Variants in NEGR1 observed in about 807,000 individuals in gnomAD.
The protein encoded by NEGR1 is IgLON family member 4.
In NEGR1, 10 loss-of-function variants were observed where a neutral mutation model predicts 40.9. That is an observed-to-expected ratio of 0.24 (90% confidence interval 0.15 to 0.42). NEGR1 has a LOEUF of 0.42. Among genes scored for constraint, NEGR1 ranks in the 10% least tolerant of loss-of-function variants. NEGR1 has a pLI of 1.00. For synonymous variants in NEGR1, 185 were observed against 166.8 expected (o/e 1.11, Z -0.84); for missense variants, 352 against 438.9 (o/e 0.80, Z 1.77).
chr1:71,531,859 C>T (rs1290984589), intron 6 of NEGR1, among the ~76,000 whole-genome samples: 1 of 151,168 alleles, frequency 6.6e-6, no homozygotes, highest in East Asian at 2.0e-4. Flanking sequence ...GGGGGTAATT[C>T]ATAATCATCT....
At chr1:72,090,542 CCTAT>C (rs1553138763) in intron 1 of NEGR1, among the ~76,000 whole-genome samples, 1 of 151,942 alleles carries the variant, frequency 6.6e-6, no homozygotes, top group Non-Finnish European at 1.5e-5. Context: ...GTTCAAGAAA[CCTAT>C]CTAAGTGCCT....
chr1:71,430,338 C>A (rs192810587), intron 6 of NEGR1, among the ~76,000 whole-genome samples: 1 of 152,144 alleles, frequency 6.6e-6, no homozygotes, highest in Non-Finnish European at 1.5e-5. Context: ...CTGGGTATTG[C>A]CCTAACATAT....
intron 6 of NEGR1, among the ~76,000 whole-genome samples, chr1:71,454,240 A>C (rs1646653841): frequency 6.6e-6 from 1 of 152,108 alleles, no homozygotes; most frequent in Non-Finnish European, 1.5e-5. Flanking sequence ...TTTTGTTTTC[A>C]AGAAATTTTT....
intron 4 of NEGR1, among the ~76,000 whole-genome samples, chr1:71,664,080 C>A (rs962199079): frequency 2.6e-5 from 4 of 152,204 alleles, no homozygotes; most frequent in African/African-American, 9.6e-5. Flanking sequence ...TCAAGTATAG[C>A]TGACATCCTT....
chr1:71,551,520 G>A (rs1648075223), intron 6 of NEGR1, among the ~76,000 whole-genome samples: 2 of 151,506 alleles, frequency 1.3e-5, no homozygotes, highest in South Asian at 4.1e-4. Flanking sequence ...GTCTTTTCTT[G>A]CACTTATTTA....
At chr1:72,018,599 A>T (rs1646731603) in intron 1 of NEGR1, among the ~76,000 whole-genome samples, 1 of 152,188 alleles carries the variant, frequency 6.6e-6, no homozygotes, top group Non-Finnish European at 1.5e-5. Context: ...GAACAAACAG[A>T]CATAAAATTA....
chr1:71,775,343 TA>T (rs1656464514), intron 3 of NEGR1, among the ~76,000 whole-genome samples: 2 of 121,180 alleles, frequency 1.7e-5, no homozygotes, highest in Non-Finnish European at 1.8e-5. Context: ...AAGTATTCTT[TA>T]ACTTTTTTTT....
intron 6 of NEGR1, among the ~76,000 whole-genome samples, chr1:71,423,888 C>T (rs1646413079): frequency 2.1e-5 from 3 of 141,378 alleles, no homozygotes; most frequent in East Asian, 2.4e-4. Flanking sequence ...AGAATTAAGA[C>T]CTTCAACAAA....
chr1:71,615,050 T>C (rs1570108790), intron 4 of NEGR1, among the ~76,000 whole-genome samples: 2 of 152,336 alleles, frequency 1.3e-5, no homozygotes, highest in South Asian at 4.1e-4. Flanking sequence ...CCAAGTGTTG[T>C]GAAGTAATCA....
chr1:71,951,817 T>C (rs1395329532), intron 1 of NEGR1, among the ~76,000 whole-genome samples: 2 of 151,954 alleles, frequency 1.3e-5, no homozygotes, highest in African/African-American at 4.8e-5. Context: ...TTCATGTCTC[T>C]GTGCCATATT....
intron 1 of NEGR1, among the ~76,000 whole-genome samples, chr1:72,103,330 C>T (rs1649014752): frequency 1.3e-5 from 2 of 151,976 alleles, no homozygotes; most frequent in Non-Finnish European, 2.9e-5. Context: ...ATGGGACCAA[C>T]CCTCTTTTTA....
chr1:71,580,172 T>C (rs1042910885), intron 6 of NEGR1, among the ~76,000 whole-genome samples: 16 of 151,802 alleles, frequency 1.1e-4, no homozygotes, highest in East Asian at 1.9e-4. Flanking sequence ...ATGGATGAAA[T>C]TGGAAATCAT....
intron 6 of NEGR1, among the ~76,000 whole-genome samples, chr1:71,408,547 G>A (rs1646294838): frequency 1.3e-5 from 2 of 151,882 alleles, no homozygotes; most frequent in South Asian, 4.2e-4. Context: ...TTTGGAATGG[G>A]TTTCACTTTG....
At chr1:71,782,170 A>T (rs1426472512) in intron 2 of NEGR1, among the ~76,000 whole-genome samples, 1 of 152,118 alleles carries the variant, frequency 6.6e-6, no homozygotes, top group African/African-American at 2.4e-5. Context: ...TGATTAGATC[A>T]TGAAGGGATT....
At chr1:72,084,156 T>C (rs2100532687) in intron 1 of NEGR1, among the ~76,000 whole-genome samples, 1 of 152,282 alleles carries the variant, frequency 6.6e-6, no homozygotes, top group Middle Eastern at 3.4e-3. Flanking sequence ...ACATAGCCTT[T>C]ACAGCAATAT....
chr1:71,573,914 C>A (rs1648880419), intron 6 of NEGR1, among the ~76,000 whole-genome samples: 1 of 152,160 alleles, frequency 6.6e-6, no homozygotes. Context: ...ATACACCTAC[C>A]ATTTTTATCT....
intron 1 of NEGR1, among the ~76,000 whole-genome samples, chr1:71,968,371 G>A (rs1359138931): frequency 1.3e-5 from 2 of 152,146 alleles, no homozygotes; most frequent in African/African-American, 4.8e-5. Context: ...ATTTGTTGCG[G>A]TCAGTTAGTG....
At chr1:72,250,891 C>T (rs1655064023) in intron 1 of NEGR1, among the ~76,000 whole-genome samples, 2 of 152,190 alleles carry the variant, frequency 1.3e-5, no homozygotes, top group Admixed American at 1.3e-4. Flanking sequence ...AAATAGCAAC[C>T]TCCCCATTAT....
At chr1:72,179,351 C>T (rs1570087930) in intron 1 of NEGR1, among the ~76,000 whole-genome samples, 1 of 151,878 alleles carries the variant, frequency 6.6e-6, no homozygotes, top group African/African-American at 2.4e-5. Context: ...TCACCTGTTC[C>T]ATTGCTTTAT....
Sources: gnomAD v4.1 joint callset for allele counts (sites outside exome capture counted in the v4.1 genomes callset) on GRCh38, gnomAD v4.1.1 for gene constraint, MANE v1.5 for transcripts, NCBI Gene and HGNC (gene_info 2026-07-23, HGNC 2026-07-21) for gene names.